IFT80: variants seen among roughly 807,000 people sequenced by gnomAD.
IFT80 encodes the protein intraflagellar transport protein 80 homolog.
A neutral mutation model predicts 107.9 loss-of-function variants in IFT80; 79 were observed. The observed-to-expected ratio is 0.73, with a 90% CI of 0.61 to 0.88. The LOEUF (loss-of-function observed/expected upper bound fraction) is 0.88. IFT80 is among the 40% of genes least tolerant of loss of function. The pLI, the probability that IFT80 is intolerant of heterozygous loss-of-function variation, is 0.00. For synonymous variants in IFT80, 299 were observed against 300.9 expected, an observed-to-expected ratio of 0.99 and a Z score of 0.07; for missense variants, 797 against 914.2, an observed-to-expected ratio of 0.87 and a Z score of 1.65.
At chr3:160,345,565 G>A (rs1720227376) in intron 8 of IFT80, among the ~76,000 whole-genome samples, 1 of 151,854 alleles carries the variant, frequency 6.6e-6, no homozygotes, top group Non-Finnish European at 1.5e-5. Flanking sequence ...ATGGTGGCAG[G>A]CAACTGTAAT....
At chr3:160,285,467 A>C (rs1325195653) in intron 13 of IFT80, among the ~76,000 whole-genome samples, 1 of 152,218 alleles carries the variant, frequency 6.6e-6, no homozygotes, top group Non-Finnish European at 1.5e-5. Context: ...ACTGCAAGAT[A>C]CTTAGAAACA....
intron 14 of IFT80, 128 bp from the exon 15 acceptor site, chr3:160,280,942 T>G: frequency 1.3e-6 from 1 of 788,278 alleles, no homozygotes; most frequent in East Asian, 2.7e-5. Context: ...TTTCTGATTC[T>G]ATAATGGTGA....
At chr3:160,305,027 A>G (rs1716736436) in intron 10 of IFT80, among the ~76,000 whole-genome samples, 2 of 152,226 alleles carry the variant, frequency 1.3e-5, no homozygotes, top group Admixed American at 1.3e-4. Flanking sequence ...ATAAATGAAC[A>G]AACAGATCAT....
intron 8 of IFT80, among the ~76,000 whole-genome samples, chr3:160,324,302 C>A (rs141991012): frequency 1.3e-5 from 2 of 152,098 alleles, no homozygotes; most frequent in East Asian, 3.9e-4. Context: ...ATCCTAATAC[C>A]GAAGCCGGGT....
chr3:160,388,778 A>T (rs2108415907), intron 1 of IFT80, among the ~76,000 whole-genome samples: 1 of 152,276 alleles, frequency 6.6e-6, no homozygotes, highest in Non-Finnish European at 1.5e-5. Context: ...ATAAATATAC[A>T]AGGCCCTTAA....
At chr3:160,312,720 TAATA>T (rs1194825640) in intron 9 of IFT80, among the ~76,000 whole-genome samples, 24 of 39,936 alleles carry the variant, frequency 6.0e-4, no homozygotes, top group Non-Finnish European at 7.7e-4. Flanking sequence ...ATAATATATA[TAATA>T]AATATATATT....
chr3:160,358,651 G>A (rs757899349), intron 6 of IFT80, among the ~76,000 whole-genome samples: 5 of 152,116 alleles, frequency 3.3e-5, no homozygotes, highest in Non-Finnish European at 7.4e-5. Flanking sequence ...ACCGTGCCCA[G>A]CCATGGATTC....
intron 8 of IFT80, among the ~76,000 whole-genome samples, chr3:160,336,468 T>C (rs1402192028): frequency 1.3e-5 from 2 of 152,134 alleles, no homozygotes; most frequent in Admixed American, 6.6e-5. Flanking sequence ...AGAAAAAATA[T>C]ACAAAATATA....
intron 6 of IFT80, among the ~76,000 whole-genome samples, 159 bp from the exon 7 acceptor site, chr3:160,357,737 G>A (rs1436969080): frequency 6.6e-6 from 1 of 152,040 alleles, no homozygotes; most frequent in African/African-American, 2.4e-5. Flanking sequence ...TCATTTGCTT[G>A]TTTCATTTGT....
chr3:160,345,367 T>C (rs1720212942), intron 8 of IFT80, among the ~76,000 whole-genome samples: 1 of 152,156 alleles, frequency 6.6e-6, no homozygotes, highest in South Asian at 2.1e-4. Context: ...CTCACTTATT[T>C]GTGGGATTTA....
At chr3:160,383,075 C>T (rs1390882331) in intron 2 of IFT80, among the ~76,000 whole-genome samples, 2 of 152,166 alleles carry the variant, frequency 1.3e-5, no homozygotes, top group Non-Finnish European at 2.9e-5. Flanking sequence ...AGAAAACTCA[C>T]ACAAACAAAT....
intron 5 of IFT80, among the ~76,000 whole-genome samples, chr3:160,368,144 C>G (rs1490179685): frequency 6.6e-6 from 1 of 151,698 alleles, no homozygotes; most frequent in Admixed American, 6.6e-5. Flanking sequence ...TGTGGGCAAT[C>G]AATAAAATTT....
rs1485235258 is a variant in IFT80, at chr3:160,298,583, TCC to T, written c.1315+2298_1315+2299del. 7.3e-5 allele frequency among the ~76,000 whole-genome samples: 11 copies of T among 151,310 alleles called. No homozygotes were observed. The South Asian group carries it at 2.3e-3, about 31-fold the overall frequency. On this transcript the variant is annotated intron_variant, in intron 12 of 19. Transcript: ENST00000326448. ...AAATATGTTCCAGATGTGAATTAAC[TCC>T]AGAAAATTTCAGAAAATTTCAGAAT...
chr3:160,274,130 G>C (rs969420047), intron 18 of IFT80, among the ~76,000 whole-genome samples: 1 of 152,104 alleles, frequency 6.6e-6, no homozygotes, highest in Non-Finnish European at 1.5e-5. Context: ...AATAAGTAGA[G>C]ACACATGATA....
chr3:160,321,727 T>G (rs1372077482), intron 8 of IFT80, among the ~76,000 whole-genome samples: 1 of 152,010 alleles, frequency 6.6e-6, no homozygotes, highest in African/African-American at 2.4e-5. Flanking sequence ...TTTCCATTTC[T>G]GACTGCAGTT....
At chr3:160,362,574 A>G (rs1721571590) in intron 6 of IFT80, among the ~76,000 whole-genome samples, 3 of 152,204 alleles carry the variant, frequency 2.0e-5, no homozygotes, top group Admixed American at 1.3e-4. Context: ...CAAAGAAGAG[A>G]ATTTTAGACC....
intron 8 of IFT80, among the ~76,000 whole-genome samples, chr3:160,352,217 A>C (rs1576853698): frequency 6.6e-6 from 1 of 151,466 alleles, no homozygotes; most frequent in East Asian, 1.9e-4. Flanking sequence ...GATGGTATCG[A>C]TCTCCTGACC....
chr3:160,278,563 C>T (rs762201115), intron 16 of IFT80, among the ~76,000 whole-genome samples: 4 of 152,108 alleles, frequency 2.6e-5, no homozygotes, highest in East Asian at 1.9e-4. Flanking sequence ...CTGCCTATTA[C>T]GCTTTCCACT....
At chr3:160,322,446 T>G (rs1057146613) in intron 8 of IFT80, among the ~76,000 whole-genome samples, 47 of 152,152 alleles carry the variant, frequency 3.1e-4, no homozygotes, top group African/African-American at 1.1e-3. Flanking sequence ...TGTTGGACAT[T>G]TGGGTTGGTT....
Sources: allele counts gnomAD v4.1 joint callset (sites outside exome capture counted in the v4.1 genomes callset), GRCh38; gene constraint gnomAD v4.1.1; transcripts MANE v1.5; gene names NCBI Gene and HGNC (gene_info 2026-07-23, HGNC 2026-07-21).